MFN1: variants seen among roughly 807,000 people sequenced by gnomAD.
MFN1 encodes mitofusin 1.
A neutral mutation model predicts 92.4 loss-of-function variants in MFN1; 65 were observed. That is an observed-to-expected ratio of 0.70 (90% CI 0.58 to 0.86). The LOEUF is 0.86. Ranked by LOEUF, MFN1 falls within the 40% of genes least tolerant of loss-of-function variation. MFN1 has a pLI of 0.00. For synonymous variants in MFN1, 297 were observed against 300.9 expected (o/e 0.99, Z 0.13); for missense variants, 781 against 868.0 (o/e 0.90, Z 1.26).
At chr3:179,383,663 A>T (rs1051222699) in intron 14 of MFN1, among the ~76,000 whole-genome samples, 5 of 152,122 alleles carry the variant, frequency 3.3e-5, no homozygotes, top group African/African-American at 1.2e-4. Flanking sequence ...TACCTTGGGC[A>T]GTATGGCCAT....
In MFN1 at chr3:179,375,282, G is replaced by A; in HGVS notation, c.1038G>A (p.Gln346=). The A allele has an allele frequency of 6.2e-7, 1 of 1,613,962 alleles. No individual in the cohort carries two copies. Among genetic ancestry groups the A allele is most frequent in the Non-Finnish European group, 8.5e-7 (1 of 1,179,934 alleles). The change falls in exon 10 of 18, where the codon CAG becomes CAA. Residue 346 remains glutamine (Q), a synonymous_variant. Coordinates refer to ENST00000471841, the MANE Select transcript of MFN1 (RefSeq NM_033540.3). The part of the protein sequence containing the change: ...KFEQHTIRAK[Q]ILATVKNIMD... ...AACAGCACACTATCAGAGCTAAACA[G>A]ATACTAGCTACTGTGAAAAACATAA...
chr3:179,385,472 C>T (rs1713642686), intron 14 of MFN1, 97 bp from the exon 15 acceptor site: 3 of 1,096,254 alleles, frequency 2.7e-6, no homozygotes, highest in Admixed American at 5.2e-5. Context: ...GGTAATTTTT[C>T]CCTCATAGAT....
rs767206223 is a variant in MFN1, at chr3:179,367,520, C to G, written c.835C>G (p.Arg279Gly). The G allele has an allele frequency of 6.2e-7, 1 of 1,613,514 alleles. No homozygotes were observed. Among genetic ancestry groups the G allele is most frequent in the Non-Finnish European group, 8.5e-7 (1 of 1,179,776 alleles). Residue 279 changes from arginine (R) to glycine (G), a missense_variant, in exon 8 of 18, where the codon CGT becomes GGT. Transcript: ENST00000471841. ...KVVNALEAQNRIFFVSAKEVL... is the reference protein window; with the variant it reads ...KVVNALEAQNGIFFVSAKEVL... ...TGTAAATGCTTTAGAAGCACAGAATCGTATCTTCTTTGTTTCAGCAAAGGA... is the reference window on the plus strand; with the variant it reads ...TGTAAATGCTTTAGAAGCACAGAATGGTATCTTCTTTGTTTCAGCAAAGGA...
At chr3:179,391,751 C>T (rs1454700387) in intron 17 of MFN1, among the ~76,000 whole-genome samples, 1 of 152,112 alleles carries the variant, frequency 6.6e-6, no homozygotes, top group Non-Finnish European at 1.5e-5. Context: ...TGCTACTTTC[C>T]TTGTATGTCC....
At chr3:179,369,907 T>A in intron 9 of MFN1, among the ~76,000 whole-genome samples, 1 of 152,224 alleles carries the variant, frequency 6.6e-6, no homozygotes. Context: ...AGTAGCTTTT[T>A]GTTTTTACTT....
intron 7 of MFN1, 59 bp from the exon 8 acceptor site, chr3:179,367,380 C>T (rs994203329): frequency 3.6e-5 from 53 of 1,453,386 alleles, no homozygotes; most frequent in Admixed American, 1.6e-4. Flanking sequence ...GGTCTATAGT[C>T]GTTGGTTATT....
intron 14 of MFN1, among the ~76,000 whole-genome samples, chr3:179,382,985 T>G (rs1713531528): frequency 6.6e-6 from 1 of 152,130 alleles, no homozygotes; most frequent in Non-Finnish European, 1.5e-5. Context: ...GTCAGATGAG[T>G]AGATTGCAAA....
At chr3:179,353,121 T>G (rs113126574) in intron 3 of MFN1, among the ~76,000 whole-genome samples, 309 of 147,668 alleles carry the variant, frequency 2.1e-3, no homozygotes, top group African/African-American at 7.3e-3. Flanking sequence ...TGGCACCATC[T>G]CGGCTCACTG....
chr3:179,379,383 C>T (rs1400443735), intron 14 of MFN1, among the ~76,000 whole-genome samples: 1 of 152,038 alleles, frequency 6.6e-6, no homozygotes, highest in African/African-American at 2.4e-5. Context: ...AGACAGAGAC[C>T]TGCGCTGTGG....
At chr3:179,386,291 C>T in intron 15 of MFN1, 142 bp from the exon 16 acceptor site, 1 of 646,104 alleles carries the variant, frequency 1.5e-6, no homozygotes, top group African/African-American at 1.8e-5. Flanking sequence ...CTGGTAACTT[C>T]AGGTTTTCTC....
At chr3:179,354,794 C>T (rs780977739) in intron 3 of MFN1, among the ~76,000 whole-genome samples, 3 of 152,020 alleles carry the variant, frequency 2.0e-5, no homozygotes, top group African/African-American at 7.2e-5. Flanking sequence ...ACCTGTCCCC[C>T]ACTTTTTCTT....
At chr3:179,389,192 T>A (rs1358688316) in intron 16 of MFN1, among the ~76,000 whole-genome samples, 1 of 152,236 alleles carries the variant, frequency 6.6e-6, no homozygotes, top group African/African-American at 2.4e-5. Flanking sequence ...CTATTTTATC[T>A]GATAGTTTTA....
chr3:179,381,192 C>A (rs1283856044), intron 14 of MFN1, among the ~76,000 whole-genome samples: 1 of 152,180 alleles, frequency 6.6e-6, no homozygotes, highest in Non-Finnish European at 1.5e-5. Flanking sequence ...AGCATGTATT[C>A]ATAACAGAAC....
At position 179,364,496 on chromosome 3, in the gene MFN1, G is replaced by A. The variant is rs189251031; in HGVS notation, c.645+91G>A. 2.9e-6 allele frequency: 3 copies of A among 1,050,238 alleles called. No homozygotes were observed. In the African/African-American group the frequency reaches 4.8e-5, roughly 17 times the overall value. The allele number at this position is 1,050,238 out of a possible 1,614,324, so 65.1% of individuals were successfully genotyped here. ...AAAAGCAAGGGAAATCCATATCGTG[G>A]ATTAGAAAAAACTTCTAAAAACAGG... On this transcript the variant is annotated intron_variant, in intron 6 of 17. Coordinates refer to ENST00000471841, the MANE Select transcript of MFN1 (RefSeq NM_033540.3).
chr3:179,388,307 T>C (rs1189959909), intron 16 of MFN1, among the ~76,000 whole-genome samples: 2 of 152,232 alleles, frequency 1.3e-5, no homozygotes, highest in Non-Finnish European at 2.9e-5. Context: ...GTAGGTAGAC[T>C]CCTGATTTCA....
intron 13 of MFN1, 57 bp from the exon 14 acceptor site, chr3:179,378,528 T>G (rs1713340780): frequency 1.3e-6 from 2 of 1,538,942 alleles, no homozygotes; most frequent in Non-Finnish European, 1.8e-6. Flanking sequence ...AGGCATTCCA[T>G]TGAAGGTAAA....
chr3:179,367,030 C>T (rs1295613093), intron 7 of MFN1, among the ~76,000 whole-genome samples: 2 of 152,206 alleles, frequency 1.3e-5, no homozygotes, highest in South Asian at 2.1e-4. Context: ...TGGGCTCAAG[C>T]GACTCTCCTG....
chr3:179,358,962 A>G lies in MFN1; in HGVS notation c.371A>G (p.Tyr124Cys). The G allele has an allele frequency of 3.7e-6, 6 of 1,614,016 alleles. No homozygotes were observed. The highest frequency in any genetic ancestry group is 2.2e-5 in the East Asian group (1 of 44,844). The change falls in exon 4 of 18, where the codon TAT becomes TGT. Residue 124 changes from tyrosine to cysteine, a missense_variant. Transcript: ENST00000471841. ...GAAGGAACTGATGGAGATAAAGCCTATCTTATGACAGAAGGATCAGATGAA... is the reference window on the plus strand; with the variant it reads ...GAAGGAACTGATGGAGATAAAGCCTGTCTTATGACAGAAGGATCAGATGAA... ...SVEGTDGDKA[Y>C]LMTEGSDEKK...
At position 179,378,759 on chromosome 3, in the gene MFN1, T is replaced by G. The variant is rs1479472656; in HGVS notation, c.1607T>G (p.Leu536Trp). 5.6e-6 allele frequency: 9 copies of G among 1,613,980 alleles called. No homozygotes were observed. Among genetic ancestry groups the G allele is most frequent in the Non-Finnish European group, 7.6e-6 (9 of 1,179,950 alleles). ...TGGTCTTCCCTTGTACATCGATTTT[T>G]GGGCCCTAGAAATGCTCAAAGGGTG... ...LGWSSLVHRF[L>W]GPRNAQRVLL... The change falls in exon 14 of 18, where the codon TTG (leucine) becomes TGG (tryptophan). Residue 536 changes from leucine (L) to tryptophan (W), a missense_variant. Transcript: ENST00000471841.
Sources: gnomAD v4.1 joint callset for allele counts (sites outside exome capture counted in the v4.1 genomes callset) on GRCh38, gnomAD v4.1.1 for gene constraint, MANE v1.5 for transcripts, NCBI Gene and HGNC (gene_info 2026-07-23, HGNC 2026-07-21) for gene names.